Variants in ANKIB1 observed in about 807,000 individuals in gnomAD.
ANKIB1 encodes the protein ankyrin repeat and IBR domain containing 1, also known as ankyrin repeat and IBR domain-containing protein 1.
In ANKIB1, 43 loss-of-function variants were observed where a neutral mutation model predicts 122.1. The ratio of observed to expected loss-of-function variants is 0.35; its 90% confidence interval spans 0.28 to 0.45. ANKIB1 has a LOEUF of 0.45. Ranked by LOEUF, ANKIB1 falls within the 20% of genes least tolerant of loss-of-function variation. The probability of loss-of-function intolerance (pLI) is 1.00; values close to 1 mark genes in which losing one functional copy is unlikely to be tolerated. For synonymous variants in ANKIB1, 390 were observed against 442.0 expected (o/e 0.88, Z 1.48); for missense variants, 992 against 1,329.5 (o/e 0.75, Z 3.95).
chr7:92,303,840 G>A (rs1258592859), intron 2 of ANKIB1, among the ~76,000 whole-genome samples: 3 of 152,128 alleles, frequency 2.0e-5, no homozygotes, highest in African/African-American at 4.8e-5. Context: ...GATAAGAATA[G>A]GGTCATATGG....
intron 4 of ANKIB1, among the ~76,000 whole-genome samples, chr7:92,320,199 C>T (rs1310497383): frequency 6.6e-6 from 1 of 152,110 alleles, no homozygotes; most frequent in Non-Finnish European, 1.5e-5. Flanking sequence ...TTGACTCAAC[C>T]CTTCCCTAGC....
At chr7:92,275,735 T>A (rs1419237673) in intron 1 of ANKIB1, among the ~76,000 whole-genome samples, 1 of 152,154 alleles carries the variant, frequency 6.6e-6, no homozygotes, top group Non-Finnish European at 1.5e-5. Flanking sequence ...TTCCTCCACT[T>A]AGCCTAAAGG....
At chr7:92,351,162 AT>A in intron 8 of ANKIB1, 68 bp downstream of exon 8, 1 of 1,250,158 alleles carries the variant, frequency 8.0e-7, no homozygotes. Context: ...TTATAACATT[AT>A]TTTTTCTTTT....
intron 5 of ANKIB1, among the ~76,000 whole-genome samples, chr7:92,341,525 G>A (rs560195020): frequency 6.6e-6 from 1 of 152,044 alleles, no homozygotes; most frequent in Admixed American, 6.5e-5. Context: ...AAAGTAGGGG[G>A]ATATTTGAAT....
At chr7:92,359,938 A>G (rs1803905620) in intron 9 of ANKIB1, among the ~76,000 whole-genome samples, 1 of 152,108 alleles carries the variant, frequency 6.6e-6, no homozygotes, top group Non-Finnish European at 1.5e-5. Flanking sequence ...ATATTTTTTG[A>G]ATGTCTGTTA....
rs1347205945 is a variant in ANKIB1, at chr7:92,382,958, T to G, written c.1618-3551T>G. ...AAAATCAATGAGTCCAGGAGCTGGT[T>G]TTTTGAAAAGATCAACAAAATTGAT... On this transcript the variant is annotated intron_variant, in intron 11 of 19. Coordinates refer to ENST00000265742, the MANE Select transcript of ANKIB1 (RefSeq NM_019004.2). Among the ~76,000 whole-genome samples, 5 of 152,218 alleles carry G rather than the reference T, an allele frequency of 3.3e-5. No homozygotes were observed. The East Asian group carries it at 9.7e-4, about 29-fold the overall frequency.
At chr7:92,336,983 TTTC>T (rs1176099056) in intron 5 of ANKIB1, among the ~76,000 whole-genome samples, 1 of 152,210 alleles carries the variant, frequency 6.6e-6, no homozygotes, top group Admixed American at 6.5e-5. Context: ...CCCTTATGGT[TTTC>T]TTAAGATTAC....
rs940706689 is a variant in ANKIB1, at chr7:92,396,461, A to G, written c.2380A>G (p.Ser794Gly). Residue 794 changes from serine to glycine, a missense_variant, in exon 18 of 20, where the codon AGT (serine) becomes GGT (glycine). Ser to Gly is a moderately conservative substitution (Grantham distance 56, BLOSUM62 0). This residue lies in a region of ANKIB1 where 384 missense variants were observed against 412.0 expected (regional missense o/e 0.93). Coordinates refer to ENST00000265742, the MANE Select transcript of ANKIB1 (RefSeq NM_019004.2). ...LSNPPDPDEP[S>G]ESTLDIPEGG... ...TAATCCTCCAGACCCTGATGAGCCA[A>G]GTGAAAGCACTTTAGGTAAGTCCTT... 1 of 1,573,652 alleles carries G rather than the reference A, an allele frequency of 6.4e-7. No individual in the cohort carries two copies. The highest frequency in any genetic ancestry group is 1.2e-5 in the South Asian group (1 of 86,000).
intron 5 of ANKIB1, among the ~76,000 whole-genome samples, chr7:92,333,868 G>A (rs73414047): frequency 0.029 from 4,384 of 152,176 alleles, 203 homozygotes; most frequent in African/African-American, 0.1. Context: ...TTAAAAAGTA[G>A]CATAATGGAA....
At chr7:92,281,886 T>C (rs529729040) in intron 1 of ANKIB1, among the ~76,000 whole-genome samples, 1 of 152,300 alleles carries the variant, frequency 6.6e-6, no homozygotes, top group East Asian at 1.9e-4. Context: ...TTGTACTAAT[T>C]TTATATGTAC....
intron 5 of ANKIB1, among the ~76,000 whole-genome samples, chr7:92,338,926 AAAAAAAAATATAT>A (rs1366772812): frequency 2.7e-4 from 16 of 58,820 alleles, no homozygotes; most frequent in Non-Finnish European, 3.4e-4. Flanking sequence ...AAAAAAAAAA[AAAAAAAAATATAT>A]ATATATATAT....
chr7:92,355,185 C>A (rs1171816379), intron 9 of ANKIB1, among the ~76,000 whole-genome samples: 2 of 152,196 alleles, frequency 1.3e-5, no homozygotes, highest in Non-Finnish European at 2.9e-5. Flanking sequence ...TTTGTGTGAT[C>A]TGGGAAAAAT....
chr7:92,376,078 A>G (rs549793142), intron 11 of ANKIB1, among the ~76,000 whole-genome samples: 5 of 152,342 alleles, frequency 3.3e-5, no homozygotes, highest in African/African-American at 1.2e-4. Context: ...CCATAAACAG[A>G]TGGGCTGCCA....
At chr7:92,325,145 T>C (rs1442281814) in intron 4 of ANKIB1, among the ~76,000 whole-genome samples, 4 of 152,226 alleles carry the variant, frequency 2.6e-5, no homozygotes, top group African/African-American at 9.6e-5. Flanking sequence ...CAGGACTGTG[T>C]GACTACATCT....
At chr7:92,359,092 CTTAAG>C (rs942774607) in intron 9 of ANKIB1, among the ~76,000 whole-genome samples, 1 of 151,812 alleles carries the variant, frequency 6.6e-6, no homozygotes, top group African/African-American at 2.4e-5. Flanking sequence ...TTTTTTCGTA[CTTAAG>C]TTCTGTTGTA....
chr7:92,298,087 C>T (rs1293743417), intron 2 of ANKIB1, among the ~76,000 whole-genome samples: 2 of 152,098 alleles, frequency 1.3e-5, no homozygotes, highest in African/African-American at 4.8e-5. Context: ...GAAATTCCTA[C>T]AATTTACATT....
At chr7:92,327,756 T>A in intron 4 of ANKIB1, 27 bp from the exon 5 acceptor site, 4 of 1,350,436 alleles carry the variant, frequency 3.0e-6, no homozygotes, top group Non-Finnish European at 4.0e-6. Context: ...TAATGCCCAT[T>A]TAACTTTATT....
intron 6 of ANKIB1, among the ~76,000 whole-genome samples, chr7:92,343,670 T>C (rs2131976172): frequency 6.6e-6 from 1 of 152,110 alleles, no homozygotes. Context: ...CATCTCAAAA[T>C]ACATACACAC....
intron 11 of ANKIB1, among the ~76,000 whole-genome samples, chr7:92,383,835 C>T (rs1489952473): frequency 6.6e-6 from 1 of 152,176 alleles, no homozygotes; most frequent in Non-Finnish European, 1.5e-5. Context: ...TGGCACAAGA[C>T]AGGGATGCCC....
Sources: allele counts gnomAD v4.1 joint callset (sites outside exome capture counted in the v4.1 genomes callset), GRCh38; gene constraint gnomAD v4.1.1; regional missense constraint gnomAD v4.1.1; transcripts MANE v1.5; gene names NCBI Gene and HGNC (gene_info 2026-07-23, HGNC 2026-07-21).